The following CD226 variants were observed in gnomAD, a reference collection of about 807,000 sequenced individuals.
CD226 encodes the protein CD226 molecule.
In CD226, 24 loss-of-function variants were observed where a neutral mutation model predicts 34.9. That is an observed-to-expected ratio of 0.69 (90% CI 0.50 to 0.97). CD226 has a LOEUF of 0.97. Ranked by LOEUF, CD226 falls within the 50% of genes least tolerant of loss-of-function variation. The probability of loss-of-function intolerance (pLI) is 0.00; values close to 1 mark genes in which losing one functional copy is unlikely to be tolerated. For missense variants in CD226, 397 were observed against 412.7 expected, an observed-to-expected ratio of 0.96 and a Z score of 0.33; for synonymous variants, 148 against 147.4, an observed-to-expected ratio of 1.00 and a Z score of -0.03.
chr18:69,879,462 T>C (rs1984081911), intron 3 of CD226, among the ~76,000 whole-genome samples: 1 of 152,148 alleles, frequency 6.6e-6, no homozygotes, highest in African/African-American at 2.4e-5. Flanking sequence ...GCGATATTTC[T>C]CTTACCCATT....
upstream of CD226, among the ~76,000 whole-genome samples, chr18:69,949,949 C>T (rs1488814781): frequency 6.6e-6 from 1 of 152,138 alleles, no homozygotes; most frequent in Admixed American, 6.5e-5. Context: ...CACACGCATG[C>T]ACTTACACAT....
intron 2 of CD226, among the ~76,000 whole-genome samples, chr18:69,896,527 TTTTTTG>T (rs1000223449): frequency 6.6e-6 from 1 of 152,096 alleles, no homozygotes; most frequent in Non-Finnish European, 1.5e-5. Context: ...TTGTTTTTTG[TTTTTTG>T]TTTTTAAGTC....
chr18:69,916,821 G>C (rs2055391855), intron 2 of CD226, among the ~76,000 whole-genome samples: 1 of 152,202 alleles, frequency 6.6e-6, no homozygotes, highest in Non-Finnish European at 1.5e-5. Flanking sequence ...AAGGGATGTT[G>C]AGAGAGCAGT....
At chr18:69,901,858 G>C (rs371922156) in intron 2 of CD226, among the ~76,000 whole-genome samples, 5 of 149,740 alleles carry the variant, frequency 3.3e-5, no homozygotes, top group African/African-American at 1.2e-4. Flanking sequence ...CAGCCTGGGC[G>C]ACAGAGCAAG....
intron 2 of CD226, among the ~76,000 whole-genome samples, chr18:69,901,797 T>C (rs1055719109): frequency 1.3e-5 from 2 of 151,002 alleles, no homozygotes; most frequent in Non-Finnish European, 2.9e-5. Flanking sequence ...AAGAATGGCG[T>C]GAACCCGGGA....
upstream of CD226, among the ~76,000 whole-genome samples, chr18:69,952,141 G>A (rs1264827440): frequency 2.6e-5 from 4 of 152,084 alleles, no homozygotes; most frequent in African/African-American, 9.7e-5. Context: ...GATAGACCGG[G>A]AAGCCATTAT....
chr18:69,891,334 C>A (rs911732933), intron 3 of CD226, among the ~76,000 whole-genome samples: 1 of 151,600 alleles, frequency 6.6e-6, no homozygotes, highest in Non-Finnish European at 1.5e-5. Context: ...AGAATTTACC[C>A]CAACACAATA....
At chr18:69,923,586 T>A (rs1047645016) in intron 2 of CD226, among the ~76,000 whole-genome samples, 2 of 152,140 alleles carry the variant, frequency 1.3e-5, no homozygotes, top group Non-Finnish European at 2.9e-5. Flanking sequence ...TTAAGAGGAT[T>A]AATGGGAAAC....
At chr18:69,930,704 C>T (rs1222675256) in intron 2 of CD226, among the ~76,000 whole-genome samples, 1 of 152,198 alleles carries the variant, frequency 6.6e-6, no homozygotes, top group Non-Finnish European at 1.5e-5. Context: ...TCACCCGCAT[C>T]CCCAGGTGAA....
chr18:69,900,738 CAAA>C (rs34436716), intron 2 of CD226, among the ~76,000 whole-genome samples: 3 of 98,576 alleles, frequency 3.0e-5, no homozygotes, highest in Non-Finnish European at 4.3e-5. Flanking sequence ...GACTCCGTCT[CAAA>C]AAAAAAAAAA....
intron 2 of CD226, among the ~76,000 whole-genome samples, chr18:69,916,473 T>C (rs2055387095): frequency 6.6e-6 from 1 of 152,190 alleles, no homozygotes. Context: ...TAATCTGTAC[T>C]GAATAAAATA....
At chr18:69,877,577 G>A (rs1172944662) in intron 3 of CD226, among the ~76,000 whole-genome samples, 2 of 152,114 alleles carry the variant, frequency 1.3e-5, no homozygotes, top group African/African-American at 4.8e-5. Flanking sequence ...CTGGAATGAG[G>A]GTCTTTTGAC....
At chr18:69,885,821 C>T (rs1399751760) in intron 3 of CD226, among the ~76,000 whole-genome samples, 5 of 151,936 alleles carry the variant, frequency 3.3e-5, no homozygotes, top group Non-Finnish European at 1.5e-5. Flanking sequence ...TGTGCACAAG[C>T]CCCTAGAAGG....
intron 2 of CD226, among the ~76,000 whole-genome samples, chr18:69,944,122 TA>T (rs1342868923): frequency 5.3e-5 from 8 of 152,176 alleles, no homozygotes; most frequent in Admixed American, 4.6e-4. Context: ...ATACAACTAA[TA>T]TTTTTTAAAC....
rs749219411 is a variant in CD226, at chr18:69,946,974, C to T, written c.142G>A (p.Val48Met). 3 of 1,614,192 alleles carry T rather than the reference C, an allele frequency of 1.9e-6. No individual in the cohort carries two copies. The Admixed American group carries it at 5.0e-5, about 27-fold the overall frequency. ...VYPSMGILTQ[V>M]EWFKIGTQQD... The stretch of plus-strand genomic sequence containing the variant: ...TGGGTCCCGATCTTGAACCACTCCA[C>T]CTGTGTTAAGATGCCCATTGATGGA... The change falls in exon 2 of 6, where the codon GTG (valine) becomes ATG (methionine). Residue 48 changes from valine (V) to methionine (M), a missense_variant. Physicochemically the swap from Val to Met is conservative, Grantham distance 21 (BLOSUM62 1). Coordinates refer to ENST00000582621, the MANE Select transcript of CD226 (RefSeq NM_001303618.2).
intron 4 of CD226, among the ~76,000 whole-genome samples, chr18:69,870,786 T>C (rs1438143543): frequency 6.6e-6 from 1 of 152,216 alleles, no homozygotes; most frequent in Admixed American, 6.5e-5. Context: ...TTGGCTTCTA[T>C]CCAAGTCAAT....
At chr18:69,951,863 T>C (rs987699023), upstream of CD226, among the ~76,000 whole-genome samples, 8 of 152,198 alleles carry the variant, frequency 5.3e-5, no homozygotes, top group African/African-American at 1.9e-4. Flanking sequence ...GAAAATAGTA[T>C]GGCAGTTCCT....
intron 2 of CD226, among the ~76,000 whole-genome samples, chr18:69,925,036 T>C (rs1022459463): frequency 6.6e-6 from 1 of 152,224 alleles, no homozygotes; most frequent in Non-Finnish European, 1.5e-5. Context: ...TAAATAAGCC[T>C]TTGACCTAAC....
upstream of CD226, among the ~76,000 whole-genome samples, chr18:69,950,525 C>A (rs567626518): frequency 5.9e-5 from 9 of 152,124 alleles, no homozygotes; most frequent in South Asian, 1.0e-3. Flanking sequence ...GGTTGGTGGT[C>A]GGGAAAGGCT....
Sources: allele counts gnomAD v4.1 joint callset (sites outside exome capture counted in the v4.1 genomes callset), GRCh38; gene constraint gnomAD v4.1.1; transcripts MANE v1.5; gene names NCBI Gene and HGNC (gene_info 2026-07-23, HGNC 2026-07-21).